Variants in MARK2 observed in about 807,000 individuals in gnomAD.
The protein encoded by MARK2 is serine/threonine-protein kinase MARK2.
Under a neutral mutation model 89.8 loss-of-function variants are expected in MARK2, and 16 were observed. The observed-to-expected ratio is 0.18, with a 90% confidence interval of 0.12 to 0.27. The LOEUF is 0.27. MARK2 is among the 10% of genes least tolerant of loss of function. MARK2 has a pLI of 1.00. For synonymous variants in MARK2, 382 were observed against 399.5 expected, an observed-to-expected ratio of 0.96 and a Z score of 0.52; for missense variants, 621 against 1,049.9, an observed-to-expected ratio of 0.59 and a Z score of 5.65.
In MARK2 at chr11:63,880,627, T is replaced by G. The variant is rs115386094; in HGVS notation, c.55-14532T>G. On this transcript the variant is annotated intron_variant, in intron 1 of 18. Coordinates refer to ENST00000402010, the MANE Select transcript of MARK2 (RefSeq NM_001039469.3). Reference sequence around the variant, plus strand: ...GAGGCAGAGAGAACTGTATTAAGTCTGAGGACCTGGTGGTTGTCATGGGCA... The same window carrying G: ...GAGGCAGAGAGAACTGTATTAAGTCGGAGGACCTGGTGGTTGTCATGGGCA... 6.3e-3 allele frequency among the ~76,000 whole-genome samples: 952 copies of G among 152,312 alleles called. 13 individuals carry two copies. Among genetic ancestry groups the G allele is most frequent in the African/African-American group, 0.022 (912 of 41,554 alleles).
intron 1 of MARK2, among the ~76,000 whole-genome samples, chr11:63,885,651 G>A (rs976217936): frequency 2.6e-5 from 4 of 152,024 alleles, no homozygotes; most frequent in African/African-American, 9.7e-5. Flanking sequence ...CCTGGCCAAG[G>A]TGGTGAAACC....
At chr11:63,887,497 T>G (rs970611831) in intron 1 of MARK2, among the ~76,000 whole-genome samples, 2 of 152,190 alleles carry the variant, frequency 1.3e-5, no homozygotes, top group Non-Finnish European at 2.9e-5. Context: ...AGGCAAACAT[T>G]TCTTGGCCAC....
chr11:63,853,325 A>G (rs2135216200), intron 1 of MARK2, among the ~76,000 whole-genome samples: 1 of 152,058 alleles, frequency 6.6e-6, no homozygotes. Flanking sequence ...TTTGAACCCA[A>G]GAGATGGAGG....
chr11:63,902,485 C>G lies in MARK2; in HGVS notation c.1235-116C>G. ...GCAAGCCACTTCCCTTCCCTCGCCT[C>G]TGTGGAATGGGGGCTTGCTGGGTTG... is the stretch of plus-strand genomic sequence containing the variant. On this transcript the variant is annotated intron_variant, in intron 12 of 18. Coordinates refer to ENST00000402010, the MANE Select transcript of MARK2 (RefSeq NM_001039469.3). The surrounding 1 kb of genome is among the most constrained non-coding windows in gnomAD (Gnocchi z 4.2). 2 of 1,380,436 alleles carry G rather than the reference C, an allele frequency of 1.4e-6. No individual in the cohort carries two copies. The highest frequency in any genetic ancestry group is 4.7e-5 in the East Asian group (2 of 42,150). The allele number at this position is 1,380,436 out of a possible 1,614,324, so 85.5% of individuals were successfully genotyped here. A position where few individuals can be genotyped will look rare whatever the true frequency, so the allele number is the denominator to read the frequency against.
chr11:63,908,860 C>T lies in MARK2; in HGVS notation c.2007-17C>T, dbSNP rs1194412490. The T allele has an allele frequency of 6.8e-7, 1 of 1,474,052 alleles. No individual in the cohort carries two copies. The highest frequency in any genetic ancestry group is 9.0e-7 in the Non-Finnish European group (1 of 1,109,808). 91.3% of individuals were successfully genotyped at this position (1,474,052 alleles called of 1,614,324 possible). On this transcript the variant is annotated splice_polypyrimidine_tract_variant and intron_variant, in intron 18 of 18. Coordinates refer to ENST00000402010, the MANE Select transcript of MARK2 (RefSeq NM_001039469.3). ...GCCTCAGCCCCCCCGTGACGCCCGC[C>T]TCTGCCCTCTCCACAGACCTCACGT...
intron 1 of MARK2, among the ~76,000 whole-genome samples, chr11:63,857,446 G>T (rs1347307848): frequency 6.6e-6 from 1 of 152,226 alleles, no homozygotes; most frequent in African/African-American, 2.4e-5. Context: ...CTCCCAAAGT[G>T]CTGGGATTAC....
At chr11:63,843,990 C>T (rs2016152546) in intron 1 of MARK2, among the ~76,000 whole-genome samples, 1 of 152,198 alleles carries the variant, frequency 6.6e-6, no homozygotes, top group South Asian at 2.1e-4. Flanking sequence ...CTCACTCTGT[C>T]CTTTGATTCT....
chr11:63,855,138 T>C (rs1222791743), intron 1 of MARK2, among the ~76,000 whole-genome samples: 1 of 152,066 alleles, frequency 6.6e-6, no homozygotes. Flanking sequence ...TTTTTTGACA[T>C]TGTGTGAAAC....
chr11:63,859,842 G>A (rs1937644385), intron 1 of MARK2, among the ~76,000 whole-genome samples: 1 of 152,186 alleles, frequency 6.6e-6, no homozygotes, highest in African/African-American at 2.4e-5. Flanking sequence ...ATGATGGCCA[G>A]GCTGGTCTTC....
At chr11:63,873,877 A>ACT (rs1938595352) in intron 1 of MARK2, among the ~76,000 whole-genome samples, 1 of 152,120 alleles carries the variant, frequency 6.6e-6, no homozygotes, top group African/African-American at 2.4e-5. Flanking sequence ...GAACTCCCGA[A>ACT]CTCAGGTGAT....
At chr11:63,906,045 T>A (rs1434868500) in intron 16 of MARK2, 43 bp from the exon 17 acceptor site, 6 of 1,356,102 alleles carry the variant, frequency 4.4e-6, no homozygotes, top group Non-Finnish European at 5.7e-6. Context: ...GTTTTTTTTT[T>A]ATTTCTTTTT....
At chr11:63,850,464 C>A (rs2016520364) in intron 1 of MARK2, among the ~76,000 whole-genome samples, 1 of 151,340 alleles carries the variant, frequency 6.6e-6, no homozygotes, top group Non-Finnish European at 1.5e-5. Flanking sequence ...ACTGCACCCG[C>A]CCTAGTTTGC....
rs973521004 is a variant in MARK2, at chr11:63,902,258, G to A, written c.1162G>A (p.Ala388Thr). The change falls in exon 12 of 19, where the codon GCC becomes ACC. Residue 388 changes from alanine to threonine, a missense_variant. This residue lies in a region of MARK2 where 397 missense variants were observed against 567.8 expected (regional missense o/e 0.70). Transcript: ENST00000402010. This position sits in a 1 kb window ranked among gnomAD's most constrained non-coding sequence, Gnocchi z 4.2. ...TTCAGCTGATCTGACCAATAGCAGC[G>A]CCCCATCCCCATCCCACAAGGTACA... ...RPSADLTNSSAPSPSHKVQRS... is the reference protein window; with the variant it reads ...RPSADLTNSSTPSPSHKVQRS... 6 of 1,614,070 alleles carry A rather than the reference G, an allele frequency of 3.7e-6. No homozygotes were observed. The highest frequency in any genetic ancestry group is 3.3e-5 in the Admixed American group (2 of 60,000).
intron 1 of MARK2, among the ~76,000 whole-genome samples, chr11:63,879,030 C>G (rs1938938185): frequency 6.6e-6 from 1 of 152,062 alleles, no homozygotes; most frequent in Non-Finnish European, 1.5e-5. Flanking sequence ...TTCAGCTGGG[C>G]ACGGTGACTC....
rs576395356 is a variant in MARK2 at position 63,839,158 on chromosome 11, C to A, written c.-349C>A. On this transcript the variant is annotated 5_prime_UTR_variant, in exon 1 of 19. The change creates a new upstream start codon in the 5' untranslated region. Coordinates refer to ENST00000402010, the MANE Select transcript of MARK2 (RefSeq NM_001039469.3). ...GAGCAGCAGGTCCGGCGGCGGCTGCCTGTGTGCCGGGCGCGGAGCAGTGCC... is the reference window on the plus strand; with the variant it reads ...GAGCAGCAGGTCCGGCGGCGGCTGCATGTGTGCCGGGCGCGGAGCAGTGCC... The A allele has an allele frequency of 8.1e-3, 1,625 of 200,924 alleles. 38 individuals are homozygous for A. The highest frequency in any genetic ancestry group is 6.7e-3 in the Non-Finnish European group (679 of 101,356). The allele number at this position is 200,924 out of a possible 1,614,324, so 12.4% of individuals were successfully genotyped here. A position where few individuals can be genotyped will look rare whatever the true frequency, so the allele number is the denominator to read the frequency against.
rs1382664933 is a variant in MARK2 at position 63,891,766 on chromosome 11, C to T, written c.55-3393C>T. On this transcript the variant is annotated intron_variant, in intron 1 of 18. Transcript: ENST00000402010. ...GGAAGGTTTTTTCCTGTTCATTGCC[C>T]GTTAGGCAGATGGGTAGGGTTGGAG... Among the ~76,000 whole-genome samples the T allele has an allele frequency of 5.3e-5, 8 of 152,292 alleles. No individual in the cohort carries two copies. In the South Asian group the frequency reaches 8.3e-4, roughly 16 times the overall value.
At chr11:63,860,201 A>G (rs1430509491) in intron 1 of MARK2, among the ~76,000 whole-genome samples, 1 of 152,176 alleles carries the variant, frequency 6.6e-6, no homozygotes, top group Non-Finnish European at 1.5e-5. Flanking sequence ...AAGTCCTACA[A>G]ATAATAGACC....
chr11:63,886,362 C>T (rs774951276), intron 1 of MARK2, among the ~76,000 whole-genome samples: 2 of 151,748 alleles, frequency 1.3e-5, no homozygotes, highest in African/African-American at 2.4e-5. Context: ...AGGCGCAAGT[C>T]GTCTTCCCAC....
intron 1 of MARK2, among the ~76,000 whole-genome samples, chr11:63,886,021 C>T (rs557746521): frequency 3.4e-5 from 5 of 148,464 alleles, no homozygotes; most frequent in South Asian, 4.4e-4. Context: ...CCCAGCTACT[C>T]GGGAGGCTGA....
Sources: allele counts gnomAD v4.1 joint callset (sites outside exome capture counted in the v4.1 genomes callset), GRCh38; gene constraint gnomAD v4.1.1; regional missense constraint gnomAD v4.1.1; non-coding constraint Gnocchi (gnomAD v3.1); transcripts MANE v1.5; gene names NCBI Gene and HGNC (gene_info 2026-07-23, HGNC 2026-07-21).